The following NR1H4 variants were observed in gnomAD, a reference collection of about 807,000 sequenced individuals.
NR1H4 encodes the protein bile acid receptor.
In NR1H4, 23 loss-of-function variants were observed where a neutral mutation model predicts 58.5. The observed-to-expected ratio is 0.39, with a 90% CI of 0.28 to 0.56. The LOEUF (loss-of-function observed/expected upper bound fraction) is 0.56. NR1H4 is among the 20% of genes least tolerant of loss of function. The pLI is 0.58. For synonymous variants in NR1H4, 214 were observed against 198.0 expected (o/e 1.08, Z -0.68); for missense variants, 487 against 576.9 (o/e 0.84, Z 1.60).
chr12:100,524,806 T>C (rs955453131), intron 4 of NR1H4, among the ~76,000 whole-genome samples: 3 of 152,146 alleles, frequency 2.0e-5, no homozygotes, highest in Non-Finnish European at 2.9e-5. Context: ...GGATAGTCTT[T>C]ATTTATTTCT....
intron 2 of NR1H4, among the ~76,000 whole-genome samples, chr12:100,492,854 G>A (rs917518107): frequency 6.6e-6 from 1 of 151,952 alleles, no homozygotes; most frequent in African/African-American, 2.4e-5. Context: ...CACTATTAAT[G>A]TTTATAAAAA....
intron 9 of NR1H4, among the ~76,000 whole-genome samples, chr12:100,560,304 T>C (rs1215692159): frequency 6.6e-6 from 1 of 152,148 alleles, no homozygotes; most frequent in Non-Finnish European, 1.5e-5. Context: ...CCCACTCGGG[T>C]CCCCTTCCAC....
chr12:100,507,733 G>T (rs1264115678), intron 3 of NR1H4, among the ~76,000 whole-genome samples: 1 of 152,146 alleles, frequency 6.6e-6, no homozygotes, highest in African/African-American at 2.4e-5. Context: ...AAAGTGCTGG[G>T]ATTACAGGCG....
intron 1 of NR1H4, among the ~76,000 whole-genome samples, chr12:100,486,316 C>G (rs1024746545): frequency 2.6e-5 from 4 of 152,166 alleles, no homozygotes; most frequent in Non-Finnish European, 4.4e-5. Flanking sequence ...GCAATGATTC[C>G]TCTCTTCTAG....
chr12:100,560,171 A>G (rs1404964587), intron 9 of NR1H4, among the ~76,000 whole-genome samples: 3 of 152,196 alleles, frequency 2.0e-5, no homozygotes, highest in Middle Eastern at 3.2e-3. Flanking sequence ...TATCTAGCTC[A>G]GGGATTGTAA....
chr12:100,508,305 G>A (rs1162405895), intron 3 of NR1H4, among the ~76,000 whole-genome samples: 2 of 152,132 alleles, frequency 1.3e-5, no homozygotes, highest in African/African-American at 4.8e-5. Context: ...AAACAGAGAT[G>A]TCCGAACATG....
intron 4 of NR1H4, among the ~76,000 whole-genome samples, chr12:100,524,903 A>G (rs1954517843): frequency 6.6e-6 from 1 of 152,164 alleles, no homozygotes; most frequent in South Asian, 2.1e-4. Flanking sequence ...CACCTCTCCA[A>G]TCTCTGCAGT....
At chr12:100,483,177 C>T (rs1420454632) in intron 1 of NR1H4, among the ~76,000 whole-genome samples, 2 of 152,068 alleles carry the variant, frequency 1.3e-5, no homozygotes, top group Non-Finnish European at 2.9e-5. Context: ...CCACCCACCT[C>T]AGCCTCCCAA....
chr12:100,520,561 C>G (rs1204025646), intron 4 of NR1H4, among the ~76,000 whole-genome samples: 1 of 152,160 alleles, frequency 6.6e-6, no homozygotes, highest in Non-Finnish European at 1.5e-5. Flanking sequence ...AGGAAGTTGC[C>G]TTCACTGGCA....
intron 4 of NR1H4, among the ~76,000 whole-genome samples, chr12:100,526,775 A>G (rs892132679): frequency 2.6e-5 from 4 of 152,172 alleles, no homozygotes; most frequent in African/African-American, 9.7e-5. Context: ...TGCTGGTTCA[A>G]TACTCACAGA....
intron 6 of NR1H4, among the ~76,000 whole-genome samples, chr12:100,535,604 C>T (rs1378997617): frequency 3.3e-5 from 5 of 152,208 alleles, no homozygotes; most frequent in Admixed American, 3.3e-4. Flanking sequence ...GCTGAAAAAC[C>T]AGTAAGCTAT....
At chr12:100,536,433 C>A in intron 6 of NR1H4, 79 bp from the exon 7 acceptor site, 1 of 789,950 alleles carries the variant, frequency 1.3e-6, no homozygotes, top group Non-Finnish European at 2.2e-6. Flanking sequence ...GCTATTAGGT[C>A]CCTCCAGATG....
intron 3 of NR1H4, among the ~76,000 whole-genome samples, chr12:100,501,083 C>T (rs1953823300): frequency 6.6e-6 from 1 of 151,676 alleles, no homozygotes; most frequent in African/African-American, 2.4e-5. Flanking sequence ...GTGTGAATTT[C>T]ACTCAGCAAC....
At chr12:100,528,679 G>A (rs1041000054) in intron 4 of NR1H4, among the ~76,000 whole-genome samples, 14 of 152,156 alleles carry the variant, frequency 9.2e-5, no homozygotes, top group Non-Finnish European at 1.6e-4. Context: ...TACAGTATAT[G>A]TACCCATATT....
At chr12:100,546,074 C>T (rs1955062934) in intron 9 of NR1H4, among the ~76,000 whole-genome samples, 1 of 152,054 alleles carries the variant, frequency 6.6e-6, no homozygotes. Context: ...GCTCATTCAC[C>T]AGTTGAGACA....
intron 8 of NR1H4, among the ~76,000 whole-genome samples, chr12:100,537,885 T>C (rs1268170702): frequency 6.6e-6 from 1 of 152,150 alleles, no homozygotes; most frequent in African/African-American, 2.4e-5. Flanking sequence ...AGCTAATTTT[T>C]GTATTTTTAG....
Position 100,534,977 on chromosome 12 carries a change from A to C in NR1H4, c.686A>C (p.Glu229Ala). The C allele has an allele frequency of 6.2e-7, 1 of 1,614,230 alleles. No homozygotes were observed. Among genetic ancestry groups the C allele is most frequent in the Non-Finnish European group, 8.5e-7 (1 of 1,180,040 alleles). ...GATCAGACCGTGAATGAAGACAGTGAAGGTCGTGACTTGCGACAAGTGACC... is the reference window on the plus strand; with the variant it reads ...GATCAGACCGTGAATGAAGACAGTGCAGGTCGTGACTTGCGACAAGTGACC... ...HADQTVNEDS[E>A]GRDLRQVTST... Residue 229 changes from glutamate to alanine, a missense_variant, in exon 6 of 11, where the codon GAA (glutamate) becomes GCA (alanine). Transcript: ENST00000392986.
At chr12:100,506,888 T>C (rs982203807) in intron 3 of NR1H4, among the ~76,000 whole-genome samples, 1 of 152,240 alleles carries the variant, frequency 6.6e-6, no homozygotes, top group Admixed American at 6.5e-5. Flanking sequence ...CATGATATTA[T>C]CTATATCTTT....
At chr12:100,519,589 T>A (rs1420983963) in intron 4 of NR1H4, among the ~76,000 whole-genome samples, 1 of 152,194 alleles carries the variant, frequency 6.6e-6, no homozygotes, top group East Asian at 1.9e-4. Context: ...TTGGGATGCC[T>A]GGCTTCCCAG....
Sources: allele counts gnomAD v4.1 joint callset (sites outside exome capture counted in the v4.1 genomes callset), GRCh38; gene constraint gnomAD v4.1.1; transcripts MANE v1.5; gene names NCBI Gene and HGNC (gene_info 2026-07-23, HGNC 2026-07-21).